The following SRL variants were observed in gnomAD, a reference collection of about 807,000 sequenced individuals.
SRL encodes sarcalumenin.
SRL carries 23 observed loss-of-function variants against 39.5 expected under a neutral mutation model. The ratio of observed to expected loss-of-function variants is 0.58; its 90% CI spans 0.42 to 0.82. The LOEUF is 0.82. Among genes scored for constraint, SRL ranks in the 40% least tolerant of loss-of-function variants. The probability of loss-of-function intolerance (pLI) is 0.00; values close to 1 mark genes in which losing one functional copy is unlikely to be tolerated. For synonymous variants in SRL, 272 were observed against 237.4 expected, an observed-to-expected ratio of 1.15 and a Z score of -1.34; for missense variants, 592 against 607.8, an observed-to-expected ratio of 0.97 and a Z score of 0.27.
intron 5 of SRL, among the ~76,000 whole-genome samples, chr16:4,194,800 G>A (rs1188116349): frequency 6.6e-6 from 1 of 152,114 alleles, no homozygotes; most frequent in Non-Finnish European, 1.5e-5. Flanking sequence ...CAAGAAGGGT[G>A]GAAGTTAAGA....
intron 3 of SRL, 66 bp downstream of exon 3, chr16:4,203,100 T>C: frequency 1.4e-6 from 2 of 1,400,316 alleles, no homozygotes; most frequent in African/African-American, 1.4e-5. Context: ...GTCAGCAGTG[T>C]GGCCCCGCCG....
At chr16:4,206,513 G>T (rs2052320541) in intron 1 of SRL, among the ~76,000 whole-genome samples, 1 of 152,124 alleles carries the variant, frequency 6.6e-6, no homozygotes, top group Non-Finnish European at 1.5e-5. Context: ...TGACTCGGAA[G>T]TACCAGGGCC....
At chr16:4,200,274 T>C (rs1367406269) in intron 3 of SRL, among the ~76,000 whole-genome samples, 2 of 152,174 alleles carry the variant, frequency 1.3e-5, no homozygotes, top group Non-Finnish European at 2.9e-5. Flanking sequence ...GAATCCCCAG[T>C]TACAGCCACA....
At chr16:4,224,516 G>A (rs1225528075) in intron 1 of SRL, among the ~76,000 whole-genome samples, 2 of 152,096 alleles carry the variant, frequency 1.3e-5, no homozygotes, top group East Asian at 3.9e-4. Context: ...GACCAACCTG[G>A]GCAACAGGGT....
At chr16:4,221,120 G>T (rs1445070789) in intron 1 of SRL, among the ~76,000 whole-genome samples, 3 of 151,642 alleles carry the variant, frequency 2.0e-5, no homozygotes, top group Non-Finnish European at 4.4e-5. Context: ...ACTATCTCAG[G>T]TCACTGCAAC....
intron 1 of SRL, among the ~76,000 whole-genome samples, chr16:4,219,944 TG>T (rs1266283486): frequency 1.3e-5 from 2 of 151,544 alleles, no homozygotes; most frequent in Admixed American, 6.6e-5. Context: ...GAGTTCAAGG[TG>T]GCAGAGGCCA....
At chr16:4,229,654 G>C (rs773169991) in intron 1 of SRL, among the ~76,000 whole-genome samples, 2 of 151,918 alleles carry the variant, frequency 1.3e-5, no homozygotes, top group Non-Finnish European at 2.9e-5. Context: ...AAGAGGACAA[G>C]TGTTGACAAA....
chr16:4,217,844 C>G (rs1029806120), intron 1 of SRL, among the ~76,000 whole-genome samples: 1 of 152,218 alleles, frequency 6.6e-6, no homozygotes, highest in African/African-American at 2.4e-5. Flanking sequence ...AGGAGCCGAG[C>G]CAGCTGGCCC....
intron 1 of SRL, among the ~76,000 whole-genome samples, chr16:4,213,386 T>TTTTTTTTTTTTC (rs2052416439): frequency 8.0e-6 from 1 of 124,840 alleles, no homozygotes; most frequent in Non-Finnish European, 1.6e-5. Context: ...CAGCATCTTT[T>TTTTTTTTTTTTC]TTTTTCTTTT....
At position 4,191,824 on chromosome 16, in the gene SRL, T is replaced by G. The variant is rs1353869942; in HGVS notation, c.*329A>C. 1 of 245,844 alleles carries G rather than the reference T, an allele frequency of 4.1e-6. No individual in the cohort carries two copies. The highest frequency in any genetic ancestry group is 2.2e-5 in the African/African-American group (1 of 44,598). 15.2% of individuals were successfully genotyped at this position (245,844 alleles called of 1,614,324 possible). On this transcript the variant is annotated 3_prime_UTR_variant, in exon 6 of 6. Coordinates refer to ENST00000399609, the MANE Select transcript of SRL (RefSeq NM_001098814.2). The stretch of plus-strand genomic sequence containing the variant: ...CAAAGGAATTTCAGCTGCTTTTAGC[T>G]TATTTGACCCTCACTGATTTAAGAT...
rs1322567579 is a variant in SRL at position 4,232,411 on chromosome 16, G to T, written c.61+9596C>A. ...CTCTCTGGTGGACACAGGGACACAG[G>T]TGGTCACATCAGGCCCTAAATGCTG... On this transcript the variant is annotated intron_variant, in intron 1 of 5. Coordinates refer to ENST00000399609, the MANE Select transcript of SRL (RefSeq NM_001098814.2). Among the ~76,000 whole-genome samples, 3 of 152,218 alleles carry T rather than the reference G, an allele frequency of 2.0e-5. No homozygotes were observed. The East Asian group carries it at 5.8e-4, about 29-fold the overall frequency.
intron 1 of SRL, among the ~76,000 whole-genome samples, chr16:4,213,584 T>C (rs2052421489): frequency 6.6e-6 from 1 of 151,736 alleles, no homozygotes; most frequent in South Asian, 2.1e-4. Context: ...CTGATTTTTT[T>C]CATTTTTGTA....
Position 4,192,846 on chromosome 16 carries a change from C to T in SRL, c.729G>A (p.Leu243=), listed in dbSNP as rs755960227. ...TCCTTATCTGGGATTCACGCCCCTT[C>T]AACTGGCGGAAGAGCATCTCCAGCT... is the stretch of plus-strand genomic sequence containing the variant. ...GLELEMLFRQ[L]KGRESQIRII... The change falls in exon 6 of 6, where the codon TTG becomes TTA. Residue 243 remains leucine (L), a synonymous_variant. Coordinates refer to ENST00000399609, the MANE Select transcript of SRL (RefSeq NM_001098814.2). This position sits in a 1 kb window ranked among gnomAD's most constrained non-coding sequence, Gnocchi z 4.0. The T allele has an allele frequency of 6.2e-7, 1 of 1,614,196 alleles. No individual in the cohort carries two copies. Among genetic ancestry groups the T allele is most frequent in the Non-Finnish European group, 8.5e-7 (1 of 1,180,034 alleles).
chr16:4,202,311 C>T (rs554522234), intron 3 of SRL, among the ~76,000 whole-genome samples: 2 of 152,148 alleles, frequency 1.3e-5, no homozygotes, highest in Non-Finnish European at 2.9e-5. Flanking sequence ...AGTTGGAGGT[C>T]GGCTGGGAGC....
chr16:4,225,458 C>G (rs1303796582), intron 1 of SRL, among the ~76,000 whole-genome samples: 1 of 151,854 alleles, frequency 6.6e-6, no homozygotes, highest in Non-Finnish European at 1.5e-5. Flanking sequence ...GTGGTGTGCA[C>G]CTATAGTGCC....
chr16:4,202,771 C>T (rs1037890215), intron 3 of SRL, among the ~76,000 whole-genome samples: 3 of 152,028 alleles, frequency 2.0e-5, no homozygotes, highest in Non-Finnish European at 4.4e-5. Flanking sequence ...GGGGAAGGAA[C>T]GGAGTGATCA....
chr16:4,206,054 C>G (rs1053877943), intron 1 of SRL, among the ~76,000 whole-genome samples: 1 of 152,202 alleles, frequency 6.6e-6, no homozygotes, highest in African/African-American at 2.4e-5. Context: ...CACTCCTGGT[C>G]TAAGTCCATG....
chr16:4,215,254 T>G (rs1212323359), intron 1 of SRL, among the ~76,000 whole-genome samples: 2 of 152,222 alleles, frequency 1.3e-5, no homozygotes, highest in African/African-American at 4.8e-5. Context: ...GTGCAGGGGC[T>G]GAGGCAGCCA....
At chr16:4,234,029 C>G (rs889031028) in intron 1 of SRL, among the ~76,000 whole-genome samples, 2 of 152,102 alleles carry the variant, frequency 1.3e-5, no homozygotes, top group Non-Finnish European at 2.9e-5. Flanking sequence ...GGGTCTCGCT[C>G]TGTTGCCCAG....
Sources: gnomAD v4.1 joint callset for allele counts (sites outside exome capture counted in the v4.1 genomes callset) on GRCh38, gnomAD v4.1.1 for gene constraint, Gnocchi (gnomAD v3.1) non-coding constraint, MANE v1.5 for transcripts, NCBI Gene and HGNC (gene_info 2026-07-23, HGNC 2026-07-21) for gene names.